Variants in NUP210L observed in about 807,000 individuals in gnomAD.
NUP210L encodes nuclear pore membrane glycoprotein 210-like.
In NUP210L, 74 loss-of-function variants were observed where a neutral mutation model predicts 208.5. The observed-to-expected ratio is 0.35, with a 90% CI of 0.29 to 0.43. The LOEUF (loss-of-function observed/expected upper bound fraction) is 0.43. Ranked by LOEUF, NUP210L falls within the 20% of genes least tolerant of loss-of-function variation. The pLI is 1.00. For synonymous variants in NUP210L, 780 were observed against 816.9 expected (o/e 0.95, Z 0.77); for missense variants, 1,843 against 2,289.4 (o/e 0.81, Z 3.98).
chr1:153,994,253 G>A (rs894596831), intron 38 of NUP210L, among the ~76,000 whole-genome samples: 5 of 152,068 alleles, frequency 3.3e-5, no homozygotes, highest in African/African-American at 9.7e-5. Context: ...ATTTAGTAGT[G>A]GTTTCCACTT....
At chr1:154,064,295 CTTACA>C in intron 17 of NUP210L, among the ~76,000 whole-genome samples, 1 of 152,078 alleles carries the variant, frequency 6.6e-6, no homozygotes, top group African/African-American at 2.4e-5. Flanking sequence ...TGTCAGGTGA[CTTACA>C]TTAGTGAATG....
intron 33 of NUP210L, among the ~76,000 whole-genome samples, chr1:154,018,391 T>A (rs984390457): frequency 6.6e-6 from 1 of 152,156 alleles, no homozygotes; most frequent in African/African-American, 2.4e-5. Context: ...TTAATAGACA[T>A]ACCCAATTTT....
chr1:154,058,089 G>A (rs754054088), exon 22 of NUP210L: 25 of 1,613,860 alleles, frequency 1.5e-5, no homozygotes, highest in South Asian at 5.5e-5. Flanking sequence ...TGGTACTTAC[G>A]TCAGGGTGAC....
intron 27 of NUP210L, among the ~76,000 whole-genome samples, chr1:154,031,594 T>G (rs1312684453): frequency 1.3e-5 from 2 of 151,488 alleles, no homozygotes; most frequent in Non-Finnish European, 2.9e-5. Context: ...TTCAATTGTT[T>G]TCATTTTTAG....
rs1653719769 is a variant in NUP210L at position 154,054,840 on chromosome 1, G to A, written c.3241-8C>T. On this transcript the variant is annotated splice_region_variant and splice_polypyrimidine_tract_variant and intron_variant, in intron 23 of 39. Coordinates refer to ENST00000368559, the Ensembl canonical transcript of NUP210L. ...TCTGAATGGAGGAAACACCTTGAAG[G>A]AGAAAACCAAAAGGACAACAGTAAC... 1.2e-6 allele frequency: 2 copies of A among 1,602,720 alleles called. No individual in the cohort carries two copies. Among genetic ancestry groups the A allele is most frequent in the Non-Finnish European group, 1.7e-6 (2 of 1,169,906 alleles).
At chr1:154,053,793 A>C (rs1653658714) in intron 25 of NUP210L, among the ~76,000 whole-genome samples, 1 of 152,156 alleles carries the variant, frequency 6.6e-6, no homozygotes, top group Non-Finnish European at 1.5e-5. Context: ...CATGGCTCTC[A>C]GCTCTGAAGG....
At chr1:154,040,806 T>C (rs1024845044) in intron 27 of NUP210L, among the ~76,000 whole-genome samples, 1 of 152,130 alleles carries the variant, frequency 6.6e-6, no homozygotes, top group Non-Finnish European at 1.5e-5. Flanking sequence ...TTAGCCAAGA[T>C]GGTCTTGATC....
rs771721977 is a variant in NUP210L, at chr1:154,154,871, C to A, written c.174G>T (p.Leu58=). 3.0e-5 allele frequency: 48 copies of A among 1,614,080 alleles called. No homozygotes were observed. In the Middle Eastern group the frequency reaches 4.9e-4, roughly 17 times the overall value. Reference sequence around the variant, plus strand: ...TGTAGCAGCCCCGCTGGGCCTCCAGCAGGAAAGGCACCCGGCCTGGCTCTC... The same window carrying A: ...TGTAGCAGCCCCGCTGGGCCTCCAGAAGGAAAGGCACCCGGCCTGGCTCTC... Residue 58 remains leucine, a synonymous_variant, in exon 1 of 40, where the codon CTG becomes CTT. Transcript: ENST00000368559.
At chr1:153,992,922 G>A (rs773584370) in exon 40 of NUP210L, 1 of 1,610,878 alleles carries the variant, frequency 6.2e-7, no homozygotes, top group South Asian at 1.1e-5. Flanking sequence ...GAGAACTTGT[G>A]GAGTTAAAAA....
At position 154,134,476 on chromosome 1, in the gene NUP210L, G is replaced by A. The variant is rs1189479780; in HGVS notation, c.1009+1338C>T. On this transcript the variant is annotated intron_variant, in intron 7 of 39. Transcript: ENST00000368559. ...TTTCAGGCCGGGCGCGGTGGCTCAC[G>A]CCTGTAATCCCAGCACTTTGGGAGG... Among the ~76,000 whole-genome samples, 10 of 140,054 alleles carry A rather than the reference G, an allele frequency of 7.1e-5. No homozygotes were observed. In the East Asian group the frequency reaches 2.1e-3, roughly 30 times the overall value. 91.9% of individuals were successfully genotyped at this position (140,054 alleles called of 152,430 possible).
exon 28 of NUP210L, chr1:154,030,031 C>G: frequency 6.2e-7 from 1 of 1,607,302 alleles, no homozygotes; most frequent in Non-Finnish European, 8.5e-7. Flanking sequence ...CAAAGTTATG[C>G]TCTACTGGGA....
At chr1:154,082,419 T>C (rs1557963970) in intron 16 of NUP210L, among the ~76,000 whole-genome samples, 1 of 152,106 alleles carries the variant, frequency 6.6e-6, no homozygotes, top group East Asian at 1.9e-4. Flanking sequence ...TCAAAATACA[T>C]GAAGCAAAAC....
intron 6 of NUP210L, among the ~76,000 whole-genome samples, chr1:154,137,729 T>C (rs760877367): frequency 2.0e-5 from 3 of 151,722 alleles, no homozygotes; most frequent in Non-Finnish European, 2.9e-5. Flanking sequence ...AAAATAAAAA[T>C]AAAAAAATAA....
chr1:154,145,849 C>T (rs367654616), intron 2 of NUP210L, among the ~76,000 whole-genome samples: 11 of 152,116 alleles, frequency 7.2e-5, no homozygotes. Context: ...AGTTATGTTG[C>T]TGAGAGGGCC....
chr1:154,055,175 CT>C (rs59737573), intron 23 of NUP210L, among the ~76,000 whole-genome samples: 7,650 of 81,512 alleles, frequency 0.094, 338 homozygotes, highest in Admixed American at 0.13. Flanking sequence ...TTCTTTCTTT[CT>C]TTCTTTCTTT....
exon 28 of NUP210L, chr1:154,029,953 A>G (rs1652117631): frequency 6.2e-7 from 1 of 1,611,930 alleles, no homozygotes; most frequent in East Asian, 2.2e-5. Context: ...GCCCAGAGGA[A>G]CTGTTCATGC....
chr1:154,089,307 C>T (rs1655780451), intron 16 of NUP210L, 114 bp downstream of exon 16: 1 of 831,194 alleles, frequency 1.2e-6, no homozygotes, highest in East Asian at 2.5e-5. Flanking sequence ...ATAGAATTAC[C>T]ATATGATCTG....
chr1:154,116,859 T>C (rs999961457), intron 12 of NUP210L, among the ~76,000 whole-genome samples: 4 of 152,194 alleles, frequency 2.6e-5, no homozygotes, highest in African/African-American at 9.6e-5. Flanking sequence ...ATAAAGGCCA[T>C]TTAAAAATCA....
At chr1:154,144,554 C>G (rs1571326204) in intron 2 of NUP210L, among the ~76,000 whole-genome samples, 1 of 152,128 alleles carries the variant, frequency 6.6e-6, no homozygotes, top group African/African-American at 2.4e-5. Context: ...TGAAACAGTA[C>G]AGAATAAAAT....
Sources: allele counts gnomAD v4.1 joint callset (sites outside exome capture counted in the v4.1 genomes callset), GRCh38; gene constraint gnomAD v4.1.1; transcripts MANE v1.5; gene names NCBI Gene and HGNC (gene_info 2026-07-23, HGNC 2026-07-21).